The following RESF1 variants were observed in gnomAD, a reference collection of about 807,000 sequenced individuals.
RESF1 encodes the protein retroelement silencing factor 1.
RESF1 carries 65 observed loss-of-function variants against 134.7 expected under a neutral mutation model. That is an observed-to-expected ratio of 0.48 (90% CI 0.40 to 0.59). RESF1 has a LOEUF of 0.59. RESF1 is among the 20% of genes least tolerant of loss of function. The probability of loss-of-function intolerance (pLI) is 0.00; values close to 1 mark genes in which losing one functional copy is unlikely to be tolerated. For missense variants in RESF1, 2,274 were observed against 2,002.7 expected (o/e 1.14, Z -2.59); for synonymous variants, 762 against 702.2 (o/e 1.09, Z -1.35).
rs921966179 is a variant in RESF1, at chr12:31,968,509, C to T, written c.-246-1680C>T. On this transcript the variant is annotated intron_variant, in intron 2 of 5. Coordinates refer to ENST00000312561, the MANE Select transcript of RESF1 (RefSeq NM_018169.4). ...TTTCGCCCAAGCTGGACTGCAGTGG[C>T]GCTATCCCGGCTCACTGCAAGCTCC... Among the ~76,000 whole-genome samples, 10 of 150,618 alleles carry T rather than the reference C, an allele frequency of 6.6e-5. No individual in the cohort carries two copies. In the South Asian group the frequency reaches 1.7e-3, roughly 25 times the overall value.
intron 2 of RESF1, among the ~76,000 whole-genome samples, chr12:31,962,709 T>C (rs1939304038): frequency 6.6e-6 from 1 of 152,234 alleles, no homozygotes; most frequent in Non-Finnish European, 1.5e-5. Flanking sequence ...AAAGAAATTG[T>C]ATTGTCCAGT....
Position 31,981,973 on chromosome 12 carries a change from T to A in RESF1, c.1018T>A (p.Leu340Met). The A allele has an allele frequency of 6.2e-7, 1 of 1,614,182 alleles. No individual in the cohort carries two copies. The highest frequency in any genetic ancestry group is 8.5e-7 in the Non-Finnish European group (1 of 1,180,024). The change falls in exon 4 of 6, where the codon TTG becomes ATG. Residue 340 changes from leucine (L) to methionine (M), a missense_variant. By Grantham distance (15) the Leu-to-Met change is conservative. Coordinates refer to ENST00000312561, the MANE Select transcript of RESF1 (RefSeq NM_018169.4). ...NVSTIGNFTN[L>M]KVNTNSKQPF... ...CAGCACAATTGGAAATTTCACTAAC[T>A]TGAAAGTAAATACCAACAGCAAACA...
chr12:31,972,326 G>T (rs1226391412), intron 3 of RESF1, among the ~76,000 whole-genome samples: 4 of 151,860 alleles, frequency 2.6e-5, no homozygotes, highest in Non-Finnish European at 5.9e-5. Flanking sequence ...GGCAGTCTCG[G>T]CTGGGCGCAG....
chr12:31,984,288 A>G lies in RESF1; in HGVS notation c.3333A>G (p.Ser1111=). The part of the protein sequence containing the change: ...ADQIQITILS[S]EQMKEIFPEQ... ...AAATACAAATTACAATATTAAGCTC[A>G]GAGCAAATGAAAGAAATATTTCCTG... Residue 1111 remains serine, a synonymous_variant, in exon 4 of 6, where the codon TCA becomes TCG. Coordinates refer to ENST00000312561, the MANE Select transcript of RESF1 (RefSeq NM_018169.4). The G allele has an allele frequency of 6.2e-7, 1 of 1,613,702 alleles. No homozygotes were observed. The highest frequency in any genetic ancestry group is 8.5e-7 in the Non-Finnish European group (1 of 1,179,830).
At chr12:31,959,964 T>C (rs1157557275) in intron 1 of RESF1, 6 of 101,894 alleles carry the variant, frequency 5.9e-5, no homozygotes, top group Admixed American at 4.0e-4. Context: ...AAGAAAAATC[T>C]TTTTTTTTTT....
At position 31,981,044 on chromosome 12, in the gene RESF1, A is replaced by G; in HGVS notation, c.89A>G (p.Asn30Ser). ...QPPFLHQSLINQITTTSQSSF... is the reference protein window; with the variant it reads ...QPPFLHQSLISQITTTSQSSF... ...CCTTTTTTGCACCAGTCTTTAATAA[A>G]CCAAATTACCACAACATCTCAGAGT... The change falls in exon 4 of 6, where the codon AAC (asparagine) becomes AGC (serine). Residue 30 changes from asparagine (N) to serine (S), a missense_variant. By Grantham distance (46) the Asn-to-Ser change is conservative (BLOSUM62 1). Transcript: ENST00000312561. 2 of 1,614,154 alleles carry G rather than the reference A, an allele frequency of 1.2e-6. No individual in the cohort carries two copies. Among genetic ancestry groups the G allele is most frequent in the Middle Eastern group, 1.6e-4 (1 of 6,062 alleles).
At chr12:31,986,000 AGTCGTAG>A in intron 4 of RESF1, 43 bp downstream of exon 4, 3 of 1,324,542 alleles carry the variant, frequency 2.3e-6, no homozygotes, top group Non-Finnish European at 3.0e-6. Flanking sequence ...TATTGTAAAG[AGTCGTAG>A]GTCAATATTT....
chr12:31,991,140 A>G (rs1160740568), intron 5 of RESF1, among the ~76,000 whole-genome samples: 3 of 151,868 alleles, frequency 2.0e-5, no homozygotes, highest in Non-Finnish European at 4.4e-5. Flanking sequence ...TGAGGCTGCA[A>G]TAAGCCCTGA....
At chr12:31,960,987 C>T (rs1939252468) in intron 2 of RESF1, 116 bp downstream of exon 2, 1 of 152,154 alleles carries the variant, frequency 6.6e-6, no homozygotes, top group African/African-American at 2.4e-5. Context: ...GAATCAACAT[C>T]GGTTTTAAAT....
At position 31,985,319 on chromosome 12, in the gene RESF1, A is replaced by C; in HGVS notation, c.4364A>C (p.His1455Pro). 1 of 1,612,444 alleles carries C rather than the reference A, an allele frequency of 6.2e-7. No homozygotes were observed. Among genetic ancestry groups the C allele is most frequent in the South Asian group, 1.1e-5 (1 of 90,596 alleles). ...AAGGAGTATTTACAAAGGCAGAAGC[A>C]TAAAGAAGCTCTGAGTAATAAAGCA... ...TPKEYLQRQK[H>P]KEALSNKASK... The change falls in exon 4 of 6, where the codon CAT becomes CCT. Residue 1455 changes from histidine (H) to proline (P), a missense_variant. Transcript: ENST00000312561.
In RESF1 at chr12:31,988,152, T is replaced by G. The variant is rs111671423; in HGVS notation, c.5086+830T>G. 6.2e-3 allele frequency among the ~76,000 whole-genome samples: 937 copies of G among 152,308 alleles called. 13 individuals carry two copies. The highest frequency in any genetic ancestry group is 0.022 in the African/African-American group (894 of 41,568). ...CTTCAATACAATTTAGGCAAGGATATTTCCATTTTATAGATGAGAGGTTAC... is the reference window on the plus strand; with the variant it reads ...CTTCAATACAATTTAGGCAAGGATAGTTCCATTTTATAGATGAGAGGTTAC... On this transcript the variant is annotated intron_variant, in intron 5 of 5. Coordinates refer to ENST00000312561, the MANE Select transcript of RESF1 (RefSeq NM_018169.4).
chr12:31,989,247 T>A (rs1004583034), intron 5 of RESF1, among the ~76,000 whole-genome samples: 2 of 149,940 alleles, frequency 1.3e-5, no homozygotes, highest in Non-Finnish European at 1.5e-5. Flanking sequence ...ATATAAAAAA[T>A]AAGCCGAGTG....
At chr12:31,967,792 C>T (rs1044557872) in intron 2 of RESF1, among the ~76,000 whole-genome samples, 2 of 152,038 alleles carry the variant, frequency 1.3e-5, no homozygotes, top group African/African-American at 2.4e-5. Context: ...ATCACAGGCC[C>T]GGGAAAAGAT....
At position 31,981,779 on chromosome 12, in the gene RESF1, A is replaced by G. The variant is rs769419854; in HGVS notation, c.824A>G (p.Lys275Arg). 5 of 1,613,978 alleles carry G rather than the reference A, an allele frequency of 3.1e-6. No homozygotes were observed. The highest frequency in any genetic ancestry group is 4.2e-6 in the Non-Finnish European group (5 of 1,180,020). The change falls in exon 4 of 6, where the codon AAA (lysine) becomes AGA (arginine). Residue 275 changes from lysine to arginine, a missense_variant. By Grantham distance (26) the Lys-to-Arg change is conservative. Transcript: ENST00000312561. ...PSQQYATQTD[K>R]RPPPPPYNCR... ...CAGCAGTATGCCACGCAAACTGACAAAAGACCTCCTCCTCCTCCTTACAAC... is the reference window on the plus strand; with the variant it reads ...CAGCAGTATGCCACGCAAACTGACAGAAGACCTCCTCCTCCTCCTTACAAC...
intron 3 of RESF1, among the ~76,000 whole-genome samples, chr12:31,979,729 T>A (rs553423936): frequency 3.7e-4 from 56 of 151,430 alleles, no homozygotes; most frequent in African/African-American, 1.3e-3. Context: ...TTTTTTTTTT[T>A]AATTTTCAGT....
In RESF1 at chr12:31,985,584, G is replaced by A. The variant is rs1352115171; in HGVS notation, c.4629G>A (p.Lys1543=). 6.2e-7 allele frequency: 1 copy of A among 1,602,340 alleles called. No individual in the cohort carries two copies. Among genetic ancestry groups the A allele is most frequent in the Admixed American group, 1.8e-5 (1 of 56,452 alleles). ...ATGTTAAAGAAAAAGTTGGTGGGAA[G>A]CAGCCTGATAAAATATGGATTGATA... ...LRNVKEKVGG[K]QPDKIWIDKT... is the part of the protein sequence containing the mutation. The change falls in exon 4 of 6, where the codon AAG becomes AAA. Residue 1543 remains lysine (K), a synonymous_variant. Coordinates refer to ENST00000312561, the MANE Select transcript of RESF1 (RefSeq NM_018169.4).
rs144380476 is a variant in RESF1 at position 31,983,593 on chromosome 12, A to G, written c.2638A>G (p.Arg880Gly). The G allele has an allele frequency of 7.4e-6, 12 of 1,613,962 alleles. No homozygotes were observed. In the African/African-American group the frequency reaches 1.6e-4, roughly 22 times the overall value. The stretch of plus-strand genomic sequence containing the variant: ...CGATCAGCAAATCTCACAGGAGTCA[A>G]GGAATAGTACTGTTGTGAGTAGTGA... ...MNDQQISQES[R>G]NSTVVSSDTL... Residue 880 changes from arginine to glycine, a missense_variant, in exon 4 of 6, where the codon AGG (arginine) becomes GGG (glycine). Coordinates refer to ENST00000312561, the MANE Select transcript of RESF1 (RefSeq NM_018169.4).
intron 2 of RESF1, among the ~76,000 whole-genome samples, chr12:31,964,519 AT>A (rs1465222232): frequency 6.6e-6 from 1 of 152,090 alleles, no homozygotes; most frequent in Non-Finnish European, 1.5e-5. Context: ...TGTTTTCTTT[AT>A]GCGGTTTACC....
At position 31,980,938 on chromosome 12, in the gene RESF1, T is replaced by C; in HGVS notation, c.-18T>C. 6.4e-7 allele frequency: 1 copy of C among 1,564,792 alleles called. No individual in the cohort carries two copies. On this transcript the variant is annotated 5_prime_UTR_variant, in exon 4 of 6. Coordinates refer to ENST00000312561, the MANE Select transcript of RESF1 (RefSeq NM_018169.4). ...TTATAACTGACTTGTAATACACTGC[T>C]ACTATATCAAACCGACAATGAATTG... is the stretch of plus-strand genomic sequence containing the variant.
Sources: gnomAD v4.1 joint callset for allele counts (sites outside exome capture counted in the v4.1 genomes callset) on GRCh38, gnomAD v4.1.1 for gene constraint, MANE v1.5 for transcripts, NCBI Gene and HGNC (gene_info 2026-07-23, HGNC 2026-07-21) for gene names.